The following GRIN3A variants were observed in gnomAD, a reference collection of about 807,000 sequenced individuals.
The protein encoded by GRIN3A is glutamate receptor ionotropic, NMDA 3A.
GRIN3A carries 47 observed loss-of-function variants against 92.4 expected under a neutral mutation model. The ratio of observed to expected loss-of-function variants is 0.51; its 90% CI spans 0.40 to 0.65. GRIN3A has a LOEUF of 0.65. GRIN3A is among the 30% of genes least tolerant of loss of function. The probability of loss-of-function intolerance (pLI) is 0.00; values close to 1 mark genes in which losing one functional copy is unlikely to be tolerated. For synonymous variants in GRIN3A, 527 were observed against 540.6 expected, an observed-to-expected ratio of 0.97 and a Z score of 0.35; for missense variants, 1,324 against 1,393.1, an observed-to-expected ratio of 0.95 and a Z score of 0.79.
intron 3 of GRIN3A, among the ~76,000 whole-genome samples, chr9:101,657,049 C>T (rs762286615): frequency 2.6e-5 from 4 of 151,866 alleles, no homozygotes; most frequent in Non-Finnish European, 5.9e-5. Flanking sequence ...ACAGGAGTAT[C>T]ATCTCTTTCA....
At chr9:101,636,045 T>G (rs770567292) in intron 3 of GRIN3A, among the ~76,000 whole-genome samples, 24 of 152,072 alleles carry the variant, frequency 1.6e-4, no homozygotes, top group Admixed American at 3.9e-4. Flanking sequence ...CCAGCTATTT[T>G]TGTGTGTGTG....
chr9:101,736,506 T>A (rs12552239), intron 1 of GRIN3A, among the ~76,000 whole-genome samples: 71,679 of 151,762 alleles, frequency 0.47, 16,941 homozygotes, highest in Non-Finnish European at 0.5. Flanking sequence ...TTTTTTTTTT[T>A]AATTCTTAGA....
rs1034352353 is a variant in GRIN3A, at chr9:101,737,662, C to T, written c.318G>A (p.Gly106=). Residue 106 remains glycine (G), a synonymous_variant, in exon 1 of 9, where the codon GGG becomes GGA. Transcript: ENST00000361820. ...CCCCGGGCTTACGGGAGCCCGGCGG[C>T]CCCCGGCCATGCAGGGTGCTCCCCA... The part of the protein sequence containing the change: ...RWLGSTLHGR[G]PPGSRKPGEG... 2.5e-6 allele frequency: 4 copies of T among 1,597,936 alleles called. No individual in the cohort carries two copies. The Admixed American group carries it at 6.8e-5, about 27-fold the overall frequency.
At chr9:101,724,496 C>G (rs545757246) in intron 1 of GRIN3A, among the ~76,000 whole-genome samples, 42 of 152,284 alleles carry the variant, frequency 2.8e-4, no homozygotes, top group African/African-American at 9.9e-4. Flanking sequence ...TCTCCCTCCG[C>G]ACCTCCCTGC....
chr9:101,719,540 T>C (rs1829986669), intron 1 of GRIN3A, among the ~76,000 whole-genome samples: 1 of 152,068 alleles, frequency 6.6e-6, no homozygotes, highest in African/African-American at 2.4e-5. Flanking sequence ...GGTATGGCCA[T>C]GGTTAAGCTT....
At chr9:101,685,365 T>C (rs1000040816) in intron 2 of GRIN3A, among the ~76,000 whole-genome samples, 31 of 151,516 alleles carry the variant, frequency 2.0e-4, no homozygotes, top group Non-Finnish European at 3.8e-4. Flanking sequence ...TATCATGTCT[T>C]TTTTAAAGGT....
At chr9:101,686,561 A>T in intron 2 of GRIN3A, 35 bp downstream of exon 2, 1 of 1,613,212 alleles carries the variant, frequency 6.2e-7, no homozygotes, top group Non-Finnish European at 8.5e-7. Context: ...TCATGGCCCT[A>T]TGAATGGGGA....
intron 6 of GRIN3A, chr9:101,594,268 G>A (rs1828075925): frequency 2.8e-6 from 3 of 1,077,286 alleles, no homozygotes; most frequent in Non-Finnish European, 3.9e-6. Context: ...AGTTGGTGAT[G>A]AAGCTCCTGT....
chr9:101,651,596 T>C (rs973445655), intron 3 of GRIN3A, among the ~76,000 whole-genome samples: 10 of 151,774 alleles, frequency 6.6e-5, no homozygotes, highest in African/African-American at 2.4e-4. Context: ...AGTAGCTTGC[T>C]GGTTGATTTG....
At chr9:101,693,332 G>A (rs1829643545) in intron 1 of GRIN3A, among the ~76,000 whole-genome samples, 1 of 151,226 alleles carries the variant, frequency 6.6e-6, no homozygotes, top group Admixed American at 6.6e-5. Flanking sequence ...AGGAACGAGA[G>A]TTGCTTGAGT....
intron 1 of GRIN3A, among the ~76,000 whole-genome samples, chr9:101,734,704 G>A (rs1340216212): frequency 6.6e-6 from 1 of 151,916 alleles, no homozygotes; most frequent in African/African-American, 2.4e-5. Context: ...ACCTTCAGAT[G>A]AATGTAATCA....
chr9:101,569,893 C>A lies in GRIN3A; in HGVS notation c.*3281G>T, dbSNP rs1202158275. The A allele has an allele frequency of 2.0e-5, 3 of 152,160 alleles. No individual in the cohort carries two copies. The highest frequency in any genetic ancestry group is 4.4e-5 in the Non-Finnish European group (3 of 68,042). 9.4% of individuals were successfully genotyped at this position (152,160 alleles called of 1,614,324 possible). A position where few individuals can be genotyped will look rare whatever the true frequency, so the allele number is the denominator to read the frequency against. On this transcript the variant is annotated 3_prime_UTR_variant, in exon 9 of 9. Transcript: ENST00000361820. ...AGACACAGCACCAACACTGAGAAGT[C>A]TGTTACCCAGATGATAAGGTCTGTT...
intron 3 of GRIN3A, among the ~76,000 whole-genome samples, chr9:101,651,986 A>G (rs1170754150): frequency 6.6e-6 from 1 of 151,960 alleles, no homozygotes; most frequent in African/African-American, 2.4e-5. Context: ...TTTTTCATTC[A>G]TTTAGTCTCC....
At chr9:101,585,140 T>C (rs1827934438) in intron 6 of GRIN3A, among the ~76,000 whole-genome samples, 1 of 152,200 alleles carries the variant, frequency 6.6e-6, no homozygotes, top group Admixed American at 6.5e-5. Context: ...AAGTAAAAAA[T>C]GGCCTCCATA....
At position 101,670,739 on chromosome 9, in the gene GRIN3A, A is replaced by G; in HGVS notation, c.1673T>C (p.Phe558Ser). Residue 558 changes from phenylalanine (F) to serine (S), a missense_variant, in exon 3 of 9, where the codon TTT (phenylalanine) becomes TCT (serine). Coordinates refer to ENST00000361820, the MANE Select transcript of GRIN3A (RefSeq NM_133445.3). ...TNDSSTLDSL[F>S]SSLHSSNDTV... ...ATCATTACTGCTATGGAGGCTGCTA[A>G]AAAGGCTGTCCAATGTGGAAGAGTC... 1 of 1,614,082 alleles carries G rather than the reference A, an allele frequency of 6.2e-7. No homozygotes were observed. Among genetic ancestry groups the G allele is most frequent in the African/African-American group, 1.3e-5 (1 of 75,048 alleles).
intron 1 of GRIN3A, among the ~76,000 whole-genome samples, chr9:101,735,417 G>T (rs1340704617): frequency 6.6e-6 from 1 of 151,454 alleles, no homozygotes; most frequent in African/African-American, 2.4e-5. Flanking sequence ...CCCGGTCTTA[G>T]AGCTTTGAAG....
chr9:101,602,613 A>G (rs1828225550), intron 6 of GRIN3A, among the ~76,000 whole-genome samples: 1 of 152,242 alleles, frequency 6.6e-6, no homozygotes, highest in African/African-American at 2.4e-5. Context: ...TGCCGAATTT[A>G]ACCAGGGGAA....
Position 101,686,792 on chromosome 9 carries a change from G to A in GRIN3A, c.1108C>T (p.Leu370=). The A allele has an allele frequency of 6.2e-7, 1 of 1,614,164 alleles. No individual in the cohort carries two copies. The highest frequency in any genetic ancestry group is 8.5e-7 in the Non-Finnish European group (1 of 1,180,018). The change falls in exon 2 of 9, where the codon CTG becomes TTG. Residue 370 remains leucine (L), a synonymous_variant. Transcript: ENST00000361820. ...QNVEELRTEG[L]PLGLIAHGKT... ...CCATGAGCAATGAGCCCTAAGGGCA[G>A]ACCCTCTGTCCTCAGTTCCTCCACA...
chr9:101,634,602 G>T (rs531906084), intron 3 of GRIN3A, among the ~76,000 whole-genome samples: 19 of 152,134 alleles, frequency 1.2e-4, no homozygotes, highest in African/African-American at 4.6e-4. Context: ...GATAAAGTTG[G>T]ATTTAAAACC....
Sources: allele counts gnomAD v4.1 joint callset (sites outside exome capture counted in the v4.1 genomes callset), GRCh38; gene constraint gnomAD v4.1.1; transcripts MANE v1.5; gene names NCBI Gene and HGNC (gene_info 2026-07-23, HGNC 2026-07-21).